DGCR2: variants seen among roughly 807,000 people sequenced by gnomAD.
The protein encoded by DGCR2 is integral membrane protein DGCR2/IDD.
A neutral mutation model predicts 51.6 loss-of-function variants in DGCR2; 24 were observed. The ratio of observed to expected loss-of-function variants is 0.47; its 90% CI spans 0.34 to 0.65. The LOEUF is 0.65. DGCR2 is among the 30% of genes least tolerant of loss of function. The pLI is 0.01. For synonymous variants in DGCR2, 340 were observed against 315.4 expected (o/e 1.08, Z -0.82); for missense variants, 765 against 772.1 (o/e 0.99, Z 0.11).
At chr22:19,101,196 C>T (rs2083198153) in intron 1 of DGCR2, among the ~76,000 whole-genome samples, 1 of 152,160 alleles carries the variant, frequency 6.6e-6, no homozygotes, top group African/African-American at 2.4e-5. Context: ...TTATCAAATG[C>T]TCACGATTCC....
Position 19,068,165 on chromosome 22 carries a change from C to A in DGCR2, c.263G>T (p.Arg88Leu). 6.2e-7 allele frequency: 1 copy of A among 1,611,388 alleles called. No homozygotes were observed. Among genetic ancestry groups the A allele is most frequent in the African/African-American group, 1.3e-5 (1 of 74,986 alleles). Residue 88 changes from arginine (R) to leucine (L), a missense_variant, in exon 3 of 10, where the codon CGG (arginine) becomes CTG (leucine). Around this residue, in one of 3 missense-constraint regions of DGCR2, gnomAD observed 370 missense variants for 325.5 expected, o/e 1.14. Transcript: ENST00000263196. Reference protein sequence around the residue: ...GKEAVDPRQGRARGGDPSHFH... With the variant: ...GKEAVDPRQGLARGGDPSHFH... Reference sequence around the variant, plus strand: ...GTGCGAAGGGTCGCCTCCTCTGGCCCGCCCCTGCCGCGGATCCACAGCCTC... The same window carrying A: ...GTGCGAAGGGTCGCCTCCTCTGGCCAGCCCCTGCCGCGGATCCACAGCCTC...
In DGCR2 at chr22:19,041,817, A is replaced by T. The variant is rs747170149; in HGVS notation, c.1149T>A (p.Ile383=). ...TCAGAGGGCACTTACAGTTTGCTCC[A>T]ATCAGGGACTCGATGCGCTCCCGGC... is the stretch of plus-strand genomic sequence containing the variant. ...QRRRERIESL[I]GANLHHFNLG... is the part of the protein sequence containing the mutation. Residue 383 remains isoleucine (I), a synonymous_variant, in exon 8 of 10, where the codon ATT becomes ATA. Transcript: ENST00000263196. 6.2e-7 allele frequency: 1 copy of T among 1,612,208 alleles called. No homozygotes were observed. Among genetic ancestry groups the T allele is most frequent in the Admixed American group, 1.7e-5 (1 of 60,014 alleles).
intron 9 of DGCR2, 77 bp downstream of exon 9, chr22:19,040,981 T>C: frequency 7.6e-7 from 1 of 1,313,058 alleles, no homozygotes; most frequent in Non-Finnish European, 1.1e-6. Flanking sequence ...CCTCTGCAGC[T>C]GGGCAAGAGT....
At chr22:19,111,863 T>TTA (rs2083319062) in intron 1 of DGCR2, among the ~76,000 whole-genome samples, 1 of 151,814 alleles carries the variant, frequency 6.6e-6, no homozygotes, top group African/African-American at 2.4e-5. Context: ...TTTATTTATT[T>TTA]TTTTTTGTCT....
chr22:19,053,926 A>G (rs1276150928), intron 6 of DGCR2, among the ~76,000 whole-genome samples: 1 of 152,246 alleles, frequency 6.6e-6, no homozygotes, highest in Non-Finnish European at 1.5e-5. Context: ...AATACCTTCA[A>G]TGGGCTCATA....
chr22:19,062,779 A>ATTCTCTCTCTCT, intron 5 of DGCR2, among the ~76,000 whole-genome samples: 4 of 127,354 alleles, frequency 3.1e-5, no homozygotes, highest in Non-Finnish European at 3.6e-5. Context: ...ATGCATGCTC[A>ATTCTCTCTCTCT]CTCTCTCTCT....
chr22:19,062,779 A>ATTCATTCTCATTCT, intron 5 of DGCR2, among the ~76,000 whole-genome samples: 2 of 127,354 alleles, frequency 1.6e-5, no homozygotes, highest in Non-Finnish European at 1.8e-5. Context: ...ATGCATGCTC[A>ATTCATTCTCATTCT]CTCTCTCTCT....
At chr22:19,067,004 G>A (rs2082757172) in intron 3 of DGCR2, among the ~76,000 whole-genome samples, 1 of 152,194 alleles carries the variant, frequency 6.6e-6, no homozygotes, top group Non-Finnish European at 1.5e-5. Flanking sequence ...GAGACAAAGT[G>A]CATCACCAGG....
intron 5 of DGCR2, among the ~76,000 whole-genome samples, chr22:19,062,349 C>T (rs1017302128): frequency 1.3e-5 from 2 of 152,174 alleles, no homozygotes; most frequent in African/African-American, 4.8e-5. Context: ...CAGGCATGGC[C>T]CCGCCTCTGT....
intron 6 of DGCR2, among the ~76,000 whole-genome samples, chr22:19,052,667 G>C (rs548427016): frequency 1.3e-5 from 2 of 151,806 alleles, no homozygotes; most frequent in South Asian, 4.2e-4. Context: ...TGTGGTCCCA[G>C]TTACTCGGGA....
chr22:19,063,958 G>C (rs932314509), intron 4 of DGCR2, among the ~76,000 whole-genome samples: 1 of 152,160 alleles, frequency 6.6e-6, no homozygotes, highest in Non-Finnish European at 1.5e-5. Flanking sequence ...CACTACCATG[G>C]GGGCTGAAAA....
Position 19,038,842 on chromosome 22 carries a change from C to G in DGCR2, c.*23G>C, listed in dbSNP as rs758793216. 6.2e-7 allele frequency: 1 copy of G among 1,603,614 alleles called. No individual in the cohort carries two copies. The highest frequency in any genetic ancestry group is 8.5e-7 in the Non-Finnish European group (1 of 1,173,634). Reference sequence around the variant, plus strand: ...CTACAACAGACAGGTGCTCCCAGACCGTTGGGGTACAGGCCAGGCCGTCTA... The same window carrying G: ...CTACAACAGACAGGTGCTCCCAGACGGTTGGGGTACAGGCCAGGCCGTCTA... On this transcript the variant is annotated 3_prime_UTR_variant, in exon 10 of 10. Coordinates refer to ENST00000263196, the MANE Select transcript of DGCR2 (RefSeq NM_005137.3).
chr22:19,048,368 G>C (rs1199844239), intron 7 of DGCR2, 72 bp downstream of exon 7: 8 of 1,546,512 alleles, frequency 5.2e-6, no homozygotes, highest in Non-Finnish European at 7.1e-6. Flanking sequence ...CACCACTGAG[G>C]AAGCAAAGGG....
intron 9 of DGCR2, among the ~76,000 whole-genome samples, 170 bp from the exon 10 acceptor site, chr22:19,039,291 C>T (rs1333348026): frequency 6.6e-6 from 1 of 152,064 alleles, no homozygotes; most frequent in Non-Finnish European, 1.5e-5. Context: ...GAAGGAGGAG[C>T]CTGCCCCACA....
intron 5 of DGCR2, among the ~76,000 whole-genome samples, chr22:19,058,712 G>C (rs1026355159): frequency 1.3e-5 from 2 of 152,234 alleles, no homozygotes; most frequent in Non-Finnish European, 2.9e-5. Flanking sequence ...CATGACAGCA[G>C]ACTGAGACCA....
At chr22:19,119,506 C>A (rs905973276) in intron 1 of DGCR2, among the ~76,000 whole-genome samples, 4 of 152,124 alleles carry the variant, frequency 2.6e-5, no homozygotes, top group Admixed American at 1.3e-4. Context: ...GAGGCCAAGG[C>A]AGGTGGCTCA....
chr22:19,063,393 T>A, intron 4 of DGCR2, 115 bp from the exon 5 acceptor site: 1 of 939,202 alleles, frequency 1.1e-6, no homozygotes, highest in Non-Finnish European at 1.6e-6. Context: ...CAGGATGGAG[T>A]GCAGTGGTGC....
At position 19,057,185 on chromosome 22, in the gene DGCR2, G is replaced by A. The variant is rs774687661; in HGVS notation, c.626-23C>T. ...AGCCTGTTGGGGAGACAAAAGGTGG[G>A]GCTGGACAACATCACATCAGAGGAC... is the stretch of plus-strand genomic sequence containing the variant. On this transcript the variant is annotated intron_variant, in intron 5 of 9. Coordinates refer to ENST00000263196, the MANE Select transcript of DGCR2 (RefSeq NM_005137.3). This position sits in a 1 kb window ranked among gnomAD's most constrained non-coding sequence, Gnocchi z 5.1. 4 of 1,579,184 alleles carry A rather than the reference G, an allele frequency of 2.5e-6. No individual in the cohort carries two copies. In the East Asian group the frequency reaches 9.1e-5, roughly 36 times the overall value.
In DGCR2 at chr22:19,057,665, G is replaced by A. The variant is rs1276362743; in HGVS notation, c.626-503C>T. Among the ~76,000 whole-genome samples the A allele has an allele frequency of 6.6e-6, 1 of 152,214 alleles. No homozygotes were observed. The highest frequency in any genetic ancestry group is 1.5e-5 in the Non-Finnish European group (1 of 68,040). On this transcript the variant is annotated intron_variant, in intron 5 of 9. Transcript: ENST00000263196. This position sits in a 1 kb window ranked among gnomAD's most constrained non-coding sequence, Gnocchi z 5.1. ...CGTCAGGCAGCATTGGCACTGGCCG[G>A]CACTGCCAGCAGCTGGCTGCAGGGA...
Sources: gnomAD v4.1 joint callset for allele counts (sites outside exome capture counted in the v4.1 genomes callset) on GRCh38, gnomAD v4.1.1 for gene constraint, gnomAD v4.1.1 regional missense constraint, Gnocchi (gnomAD v3.1) non-coding constraint, MANE v1.5 for transcripts, NCBI Gene and HGNC (gene_info 2026-07-23, HGNC 2026-07-21) for gene names.